The following RGS3 variants were observed in gnomAD, a reference collection of about 807,000 sequenced individuals.
RGS3 encodes regulator of G-protein signalling 3.
Under a neutral mutation model 132.6 loss-of-function variants are expected in RGS3, and 80 were observed. The observed-to-expected ratio is 0.60, with a 90% CI of 0.50 to 0.73. The LOEUF is 0.73. RGS3 is among the 30% of genes least tolerant of loss of function. The pLI, the probability that RGS3 is intolerant of heterozygous loss-of-function variation, is 0.00. For synonymous variants in RGS3, 598 were observed against 620.6 expected, an observed-to-expected ratio of 0.96 and a Z score of 0.54; for missense variants, 1,382 against 1,530.8, an observed-to-expected ratio of 0.90 and a Z score of 1.62.
intron 21 of RGS3, chr9:113,594,133 A>G: frequency 1.2e-6 from 2 of 1,613,014 alleles, no homozygotes; most frequent in Non-Finnish European, 1.7e-6. Flanking sequence ...GAGTCCAGTC[A>G]TCAGGCCAGG....
chr9:113,492,004 A>C (rs1368811939), intron 7 of RGS3, among the ~76,000 whole-genome samples: 2 of 152,244 alleles, frequency 1.3e-5, no homozygotes, highest in Non-Finnish European at 2.9e-5. Flanking sequence ...GCCTAACGTC[A>C]GAAAGCTTGT....
At chr9:113,508,007 A>T (rs2119332045) in intron 13 of RGS3, among the ~76,000 whole-genome samples, 1 of 152,292 alleles carries the variant, frequency 6.6e-6, no homozygotes, top group South Asian at 2.1e-4. Context: ...TGGTGGGATG[A>T]TGGAGTGCGC....
chr9:113,524,881 G>A (rs761530546), intron 17 of RGS3, among the ~76,000 whole-genome samples: 2 of 152,214 alleles, frequency 1.3e-5, no homozygotes, highest in Non-Finnish European at 2.9e-5. Context: ...GAAGCTAGGG[G>A]TGGGGTGTGC....
intron 7 of RGS3, among the ~76,000 whole-genome samples, 157 bp from the exon 6 acceptor site, chr9:113,495,629 T>C (rs948060024): frequency 4.6e-5 from 7 of 152,190 alleles, no homozygotes; most frequent in Non-Finnish European, 7.3e-5. Flanking sequence ...CTCCTCTCTA[T>C]CCTGCCTCAC....
chr9:113,525,937 C>A (rs1020699576), intron 17 of RGS3, among the ~76,000 whole-genome samples: 2 of 152,242 alleles, frequency 1.3e-5, no homozygotes, highest in African/African-American at 4.8e-5. Flanking sequence ...TCACTTAAAT[C>A]TTGTCTGGCC....
chr9:113,480,684 C>T (rs576355464), intron 4 of RGS3, among the ~76,000 whole-genome samples: 19 of 152,286 alleles, frequency 1.2e-4, no homozygotes, highest in African/African-American at 4.6e-4. Context: ...GTGGCTAGCA[C>T]TTCATGCACA....
At chr9:113,526,028 A>G (rs920379739) in intron 17 of RGS3, among the ~76,000 whole-genome samples, 4 of 152,140 alleles carry the variant, frequency 2.6e-5, no homozygotes, top group East Asian at 1.9e-4. Flanking sequence ...GGCGCTAACA[A>G]TTGGAACATC....
intron 4 of RGS3, among the ~76,000 whole-genome samples, chr9:113,480,945 T>C (rs1049434001): frequency 6.6e-6 from 1 of 152,198 alleles, no homozygotes; most frequent in Non-Finnish European, 1.5e-5. Context: ...CCGCTGACGG[T>C]ACCCTCCACC....
intron 10 of RGS3, among the ~76,000 whole-genome samples, chr9:113,502,907 T>C (rs1208827838): frequency 1.3e-5 from 2 of 152,282 alleles, no homozygotes; most frequent in Non-Finnish European, 2.9e-5. Context: ...GTCAGTAAAA[T>C]AGGATAATGA....
At chr9:113,447,248 C>T (rs1463958448) in intron 1 of RGS3, among the ~76,000 whole-genome samples, 1 of 117,348 alleles carries the variant, frequency 8.5e-6, no homozygotes, top group African/African-American at 3.3e-5. Context: ...GGCAACAGAG[C>T]AAGACTCTGT....
At chr9:113,546,716 C>T (rs1833132798) in intron 19 of RGS3, among the ~76,000 whole-genome samples, 1 of 152,196 alleles carries the variant, frequency 6.6e-6, no homozygotes, top group South Asian at 2.1e-4. Context: ...ACCAGGTTCA[C>T]TTCAGGGTCA....
intron 7 of RGS3, among the ~76,000 whole-genome samples, chr9:113,491,051 CTT>C (rs199778518): frequency 0.11 from 15,287 of 134,378 alleles, 1,066 homozygotes; most frequent in African/African-American, 0.19. Context: ...TTATATATAA[CTT>C]AATTATAATT....
chr9:113,494,809 C>T (rs1830632063), intron 7 of RGS3, among the ~76,000 whole-genome samples: 1 of 152,114 alleles, frequency 6.6e-6, no homozygotes, highest in Non-Finnish European at 1.5e-5. Flanking sequence ...AACTCTTAGT[C>T]CCTGATTATT....
chr9:113,493,110 T>C (rs1830573119), intron 7 of RGS3, among the ~76,000 whole-genome samples: 1 of 152,060 alleles, frequency 6.6e-6, no homozygotes, highest in African/African-American at 2.4e-5. Context: ...TAAAATGAAA[T>C]TGGTATGAGG....
upstream of RGS3, among the ~76,000 whole-genome samples, chr9:113,455,500 T>C (rs2119149331): frequency 1.3e-5 from 2 of 152,322 alleles, no homozygotes; most frequent in Middle Eastern, 6.8e-3. Flanking sequence ...ATCAAGTCTT[T>C]AGCTTTTATC....
At chr9:113,538,761 GT>G (rs1832784257) in intron 19 of RGS3, among the ~76,000 whole-genome samples, 1 of 152,178 alleles carries the variant, frequency 6.6e-6, no homozygotes, top group African/African-American at 2.4e-5. Flanking sequence ...TCAAACGCGT[GT>G]TCCATGGAGA....
rs1233605374 is a variant in RGS3, at chr9:113,463,250, C to T, written c.415+1049C>T. ...GGATGCAGGGTTTGGGAAGAGGATG[C>T]AGCATGGTGGGGGGCGACCTGTCCA... is the stretch of plus-strand genomic sequence containing the variant. On this transcript the variant is annotated intron_variant, in intron 3 of 24. Transcript: ENST00000350696. The surrounding 1 kb of genome is among the most constrained non-coding windows in gnomAD (Gnocchi z 4.6). Among the ~76,000 whole-genome samples the T allele has an allele frequency of 6.6e-6, 1 of 152,240 alleles. No individual in the cohort carries two copies. The highest frequency in any genetic ancestry group is 2.4e-5 in the African/African-American group (1 of 41,470).
At chr9:113,517,703 T>C (rs1010335619) in intron 16 of RGS3, 79 bp downstream of exon 14, 1 of 1,052,944 alleles carries the variant, frequency 9.5e-7, no homozygotes, top group African/African-American at 1.6e-5. Context: ...CACTTTGGTC[T>C]CTTCCTGAGT....
chr9:113,445,406 T>G (rs1829079680), intron 1 of RGS3, among the ~76,000 whole-genome samples: 1 of 151,614 alleles, frequency 6.6e-6, no homozygotes. Context: ...TCCATGTTGG[T>G]CAGGCTTGTC....
Sources: allele counts gnomAD v4.1 joint callset (sites outside exome capture counted in the v4.1 genomes callset), GRCh38; gene constraint gnomAD v4.1.1; non-coding constraint Gnocchi (gnomAD v3.1); transcripts MANE v1.5; gene names NCBI Gene and HGNC (gene_info 2026-07-23, HGNC 2026-07-21).